FAF1: variants seen among roughly 807,000 people sequenced by gnomAD.
The protein encoded by FAF1 is Fas associated factor 1.
Under a neutral mutation model 92.5 loss-of-function variants are expected in FAF1, and 25 were observed. That is an observed-to-expected ratio of 0.27 (90% CI 0.20 to 0.38). The LOEUF (loss-of-function observed/expected upper bound fraction) is 0.38, where lower values mean the gene tolerates loss of function less well. Ranked by LOEUF, FAF1 falls within the 10% of genes least tolerant of loss-of-function variation. FAF1 has a pLI of 1.00. For synonymous variants in FAF1, 234 were observed against 273.2 expected, an observed-to-expected ratio of 0.86 and a Z score of 1.42; for missense variants, 636 against 793.3, an observed-to-expected ratio of 0.80 and a Z score of 2.38.
intron 4 of FAF1, among the ~76,000 whole-genome samples, chr1:50,761,845 T>C (rs1368353011): frequency 4.6e-5 from 7 of 152,198 alleles, no homozygotes; most frequent in South Asian, 2.1e-4. Flanking sequence ...CCAGGGCAAT[T>C]AGGCAGGAGA....
chr1:50,567,888 G>T (rs1650244547), intron 12 of FAF1, among the ~76,000 whole-genome samples: 1 of 151,944 alleles, frequency 6.6e-6, no homozygotes, highest in Admixed American at 6.6e-5. Context: ...GTCCACTGTG[G>T]CTCTTCATAT....
chr1:50,491,885 T>C, intron 15 of FAF1, 84 bp from the exon 16 acceptor site: 1 of 943,574 alleles, frequency 1.1e-6, no homozygotes, highest in Non-Finnish European at 1.6e-6. Flanking sequence ...TAATCCCTTT[T>C]TTATTCCTAT....
At chr1:50,639,399 T>C (rs1047274550) in intron 8 of FAF1, among the ~76,000 whole-genome samples, 2 of 152,240 alleles carry the variant, frequency 1.3e-5, no homozygotes, top group Non-Finnish European at 2.9e-5. Flanking sequence ...TTTGCCTTCC[T>C]ACCTTGCTGA....
intron 7 of FAF1, among the ~76,000 whole-genome samples, chr1:50,697,498 G>A (rs546263534): frequency 6.6e-6 from 1 of 152,200 alleles, no homozygotes; most frequent in African/African-American, 2.4e-5. Context: ...GTCTGTTTTG[G>A]TTAAGCTACA....
chr1:50,828,989 A>G (rs1644129589), intron 2 of FAF1, among the ~76,000 whole-genome samples: 1 of 152,216 alleles, frequency 6.6e-6, no homozygotes, highest in Admixed American at 6.5e-5. Context: ...AAAGAAAAAG[A>G]TTTGAATAGG....
chr1:50,499,826 T>C (rs1287671050), intron 15 of FAF1, among the ~76,000 whole-genome samples: 2 of 152,176 alleles, frequency 1.3e-5, no homozygotes, highest in Middle Eastern at 3.2e-3. Flanking sequence ...TGTGGTCAAT[T>C]AGCTGTAAAC....
intron 13 of FAF1, among the ~76,000 whole-genome samples, chr1:50,555,962 A>ATGTGTATATATTATATATATGG (rs1649555493): frequency 6.6e-6 from 1 of 151,874 alleles, no homozygotes; most frequent in South Asian, 2.1e-4. Context: ...TATATATGGT[A>ATGTGTATATATTATATATATGG]TGTGTATATA....
intron 8 of FAF1, among the ~76,000 whole-genome samples, chr1:50,601,826 A>C (rs1230209198): frequency 6.6e-6 from 1 of 151,954 alleles, no homozygotes; most frequent in Admixed American, 6.6e-5. Context: ...TAGTTCTTCA[A>C]AGTATTTTTT....
chr1:50,493,417 AC>A (rs1471732478), intron 15 of FAF1, among the ~76,000 whole-genome samples: 7 of 152,164 alleles, frequency 4.6e-5, no homozygotes, highest in Non-Finnish European at 8.8e-5. Context: ...TAATCAACCA[AC>A]TATGAGAGTA....
intron 6 of FAF1, among the ~76,000 whole-genome samples, chr1:50,729,052 A>ATTTTTTTT (rs1490540715): frequency 1.0e-5 from 1 of 97,920 alleles, no homozygotes; most frequent in African/African-American, 4.3e-5. Context: ...ATATATATAT[A>ATTTTTTTT]TATATATTTT....
chr1:50,695,678 G>A (rs1474810634), intron 7 of FAF1, among the ~76,000 whole-genome samples: 3 of 151,974 alleles, frequency 2.0e-5, no homozygotes, highest in African/African-American at 4.8e-5. Context: ...ACAGAGTCTC[G>A]CTCTTGTCAC....
At chr1:50,688,835 AAAAAT>A (rs985522560) in intron 7 of FAF1, among the ~76,000 whole-genome samples, 8 of 152,188 alleles carry the variant, frequency 5.3e-5, no homozygotes, top group Admixed American at 1.3e-4. Context: ...AATAAAAATA[AAAAAT>A]AAAATAAAAT....
chr1:50,892,307 G>A (rs1371016466), intron 1 of FAF1, among the ~76,000 whole-genome samples: 1 of 152,214 alleles, frequency 6.6e-6, no homozygotes, highest in Non-Finnish European at 1.5e-5. Context: ...CATGCTTCCT[G>A]GGTGAGATGA....
In FAF1 at chr1:50,439,547, A is replaced by G. The variant is rs1646150715; in HGVS notation, c.*1893T>C. On this transcript the variant is annotated 3_prime_UTR_variant, in exon 19 of 19. Transcript: ENST00000396153. ...GTGGGAGGGAACAATATAATGAAGA[A>G]ACCCAAGTCAGATGGAACAGGTTAA... 6.6e-6 allele frequency: 1 copy of G among 152,220 alleles called. No individual in the cohort carries two copies. The highest frequency in any genetic ancestry group is 2.4e-5 in the African/African-American group (1 of 41,460). 9.4% of individuals were successfully genotyped at this position (152,220 alleles called of 1,614,324 possible).
intron 1 of FAF1, among the ~76,000 whole-genome samples, chr1:50,872,863 C>T (rs1644539933): frequency 6.6e-6 from 1 of 151,550 alleles, no homozygotes; most frequent in South Asian, 2.1e-4. Context: ...TGCGCCACTG[C>T]ACTCCAGCCT....
rs187373572 is a variant in FAF1 at position 50,640,251 on chromosome 1, T to C, written c.744+15191A>G. ...AGTTTACCTTAAATATCTGGTAGTG[T>C]TTGGCAATGTAATAAGCTGGTCCTG... On this transcript the variant is annotated intron_variant, in intron 8 of 18. Coordinates refer to ENST00000396153, the MANE Select transcript of FAF1 (RefSeq NM_007051.3). 3.2e-3 allele frequency among the ~76,000 whole-genome samples: 485 copies of C among 152,056 alleles called. 2 individuals are homozygous for C. The highest frequency in any genetic ancestry group is 4.1e-3 in the Non-Finnish European group (279 of 67,984).
chr1:50,754,636 C>T (rs1660003809), intron 4 of FAF1, among the ~76,000 whole-genome samples: 1 of 152,196 alleles, frequency 6.6e-6, no homozygotes, highest in Non-Finnish European at 1.5e-5. Context: ...CCATAAGTTT[C>T]CCTCTCAATA....
chr1:50,455,767 T>C (rs906519599), intron 18 of FAF1, among the ~76,000 whole-genome samples: 2 of 152,170 alleles, frequency 1.3e-5, no homozygotes, highest in Admixed American at 1.3e-4. Flanking sequence ...GGAGACATGG[T>C]TCCCAGCTTA....
At chr1:50,701,978 ATAAG>A (rs1657493632) in intron 7 of FAF1, among the ~76,000 whole-genome samples, 1 of 152,098 alleles carries the variant, frequency 6.6e-6, no homozygotes, top group Non-Finnish European at 1.5e-5. Flanking sequence ...GTTGTAACAG[ATAAG>A]TAATACTCCA....
Sources: allele counts gnomAD v4.1 joint callset (sites outside exome capture counted in the v4.1 genomes callset), GRCh38; gene constraint gnomAD v4.1.1; transcripts MANE v1.5; gene names NCBI Gene and HGNC (gene_info 2026-07-23, HGNC 2026-07-21).